BLTP3B: variants seen among roughly 807,000 people sequenced by gnomAD.
BLTP3B encodes bridge-like lipid transfer protein family member 3B.
the BLTP3B span, among the ~76,000 whole-genome samples, chr12:100,101,831 T>C: frequency 6.6e-6 from 1 of 152,028 alleles, no homozygotes; most frequent in African/African-American, 2.4e-5. Context: ...TGAGACAGAG[T>C]CTCTCTCCAT....
At chr12:100,057,536 G>T in the BLTP3B span, 3 of 1,564,670 alleles carry the variant, frequency 1.9e-6, no homozygotes, top group South Asian at 3.5e-5. Context: ...GTGTATGTAC[G>T]TAATATGAAT....
At chr12:100,096,858 TCA>T in the BLTP3B span, among the ~76,000 whole-genome samples, 2 of 151,902 alleles carry the variant, frequency 1.3e-5, no homozygotes, top group Non-Finnish European at 2.9e-5. Flanking sequence ...GGCAGGAGGA[TCA>T]CATGACTCCA....
the BLTP3B span, among the ~76,000 whole-genome samples, chr12:100,071,613 T>C: frequency 1.3e-5 from 2 of 152,184 alleles, no homozygotes. Context: ...CTAAAGAGTT[T>C]TAATATTCAA....
chr12:100,057,980 G>A, the BLTP3B span: 24 of 1,517,112 alleles, frequency 1.6e-5, no homozygotes, highest in African/African-American at 1.5e-4. Flanking sequence ...AGGCACACAC[G>A]CTCCACAAAA....
chr12:100,137,285 T>G, the BLTP3B span, among the ~76,000 whole-genome samples: 1 of 152,126 alleles, frequency 6.6e-6, no homozygotes, highest in African/African-American at 2.4e-5. Context: ...CTCTCCAGGC[T>G]ATCAGCTACC....
chr12:100,078,178 G>A, the BLTP3B span, among the ~76,000 whole-genome samples: 3 of 151,464 alleles, frequency 2.0e-5, no homozygotes, highest in Non-Finnish European at 4.4e-5. Flanking sequence ...GCTTGGTGAT[G>A]TGCTCACAAC....
the BLTP3B span, among the ~76,000 whole-genome samples, chr12:100,101,685 T>A: frequency 1.3e-5 from 2 of 152,248 alleles, no homozygotes; most frequent in South Asian, 4.1e-4. Context: ...ATGATCCCCA[T>A]ACTTCTGCTG....
chr12:100,098,683 C>CTCAGGTGT, the BLTP3B span: 1 of 784,706 alleles, frequency 1.3e-6, no homozygotes, highest in Non-Finnish European at 1.9e-6. Flanking sequence ...AGGCAGATCA[C>CTCAGGTGT]TTGAGGCCAG....
At chr12:100,130,314 C>T in the BLTP3B span, among the ~76,000 whole-genome samples, 1 of 152,124 alleles carries the variant, frequency 6.6e-6, no homozygotes. Context: ...CTCTGTTTCA[C>T]CGTCTCTCTG....
the BLTP3B span, among the ~76,000 whole-genome samples, chr12:100,131,125 A>T: frequency 1.3e-5 from 2 of 151,774 alleles, no homozygotes; most frequent in Non-Finnish European, 2.9e-5. Flanking sequence ...AGCCTGGGCA[A>T]CATGGCAAAA....
chr12:100,041,854 T>C, the BLTP3B span, among the ~76,000 whole-genome samples: 2 of 152,106 alleles, frequency 1.3e-5, no homozygotes, highest in Non-Finnish European at 2.9e-5. Context: ...CTACTAAACA[T>C]GATCTTGCGT....
the BLTP3B span, among the ~76,000 whole-genome samples, chr12:100,125,980 A>G: frequency 6.6e-6 from 1 of 152,136 alleles, no homozygotes; most frequent in Non-Finnish European, 1.5e-5. Flanking sequence ...ACAGTAAAGT[A>G]GATATCCAGG....
the BLTP3B span, among the ~76,000 whole-genome samples, chr12:100,106,437 C>G: frequency 6.6e-6 from 1 of 152,092 alleles, no homozygotes; most frequent in Non-Finnish European, 1.5e-5. Flanking sequence ...AAAAAAAGAG[C>G]AAAATAATGT....
the BLTP3B span, among the ~76,000 whole-genome samples, chr12:100,095,367 T>C: frequency 6.6e-6 from 1 of 152,190 alleles, no homozygotes; most frequent in Non-Finnish European, 1.5e-5. Context: ...TCATTTGCTT[T>C]TACTTTAGTA....
chr12:100,122,128 CTTG>C, the BLTP3B span, among the ~76,000 whole-genome samples: 33 of 151,902 alleles, frequency 2.2e-4, no homozygotes, highest in African/African-American at 8.0e-4. Flanking sequence ...AATAAATGAA[CTTG>C]TTAACTATTA....
the BLTP3B span, chr12:100,104,060 T>TA: frequency 1.5e-6 from 1 of 671,806 alleles, no homozygotes; most frequent in Non-Finnish European, 2.3e-6. Context: ...CCAAATTATA[T>TA]AAAATCACTT....
the BLTP3B span, chr12:100,070,036 T>G: frequency 7.3e-7 from 1 of 1,367,702 alleles, no homozygotes; most frequent in Non-Finnish European, 9.5e-7. Context: ...TGTAATACAG[T>G]GGAGAAAAAA....
At chr12:100,097,267 T>C in the BLTP3B span, 3 of 1,302,628 alleles carry the variant, frequency 2.3e-6, no homozygotes, top group Non-Finnish European at 3.1e-6. Context: ...AAGACATTGT[T>C]TAAAATTTCC....
At chr12:100,110,401 G>A in the BLTP3B span, among the ~76,000 whole-genome samples, 2 of 152,096 alleles carry the variant, frequency 1.3e-5, no homozygotes, top group East Asian at 1.9e-4. Context: ...TCAATACCAC[G>A]ACGCTTTCTC....
Sources: allele counts gnomAD v4.1 joint callset (sites outside exome capture counted in the v4.1 genomes callset), GRCh38; gene constraint gnomAD v4.1.1; transcripts MANE v1.5; gene names NCBI Gene and HGNC (gene_info 2026-07-23, HGNC 2026-07-21).